Variants in ACSM2B observed in about 807,000 individuals in gnomAD.
The protein encoded by ACSM2B is acyl-CoA synthetase medium chain family member 2B.
A neutral mutation model predicts 78.6 loss-of-function variants in ACSM2B; 58 were observed. That is an observed-to-expected ratio of 0.74 (90% CI 0.60 to 0.92). The LOEUF (loss-of-function observed/expected upper bound fraction) is 0.92, where lower values mean the gene tolerates loss of function less well. Among genes scored for constraint, ACSM2B ranks in the 40% least tolerant of loss-of-function variants. ACSM2B has a pLI of 0.00. For missense variants in ACSM2B, 688 were observed against 711.2 expected (o/e 0.97, Z 0.37); for synonymous variants, 257 against 256.8 (o/e 1.00, Z -0.01).
intron 13 of ACSM2B, among the ~76,000 whole-genome samples, chr16:20,540,319 T>G (rs1435460287): frequency 6.7e-6 from 1 of 149,034 alleles, no homozygotes; most frequent in Admixed American, 6.7e-5. Flanking sequence ...CTCGGCTCAC[T>G]GTAACCTACA....
intron 6 of ACSM2B, 47 bp downstream of exon 6, chr16:20,552,097 C>T (rs892112942): frequency 1.3e-6 from 2 of 1,549,246 alleles, no homozygotes; most frequent in Non-Finnish European, 1.7e-6. Flanking sequence ...AGTGTGCAAA[C>T]CTCGGGCTCA....
chr16:20,554,513 C>A (rs1338093084), intron 4 of ACSM2B, among the ~76,000 whole-genome samples: 1 of 152,192 alleles, frequency 6.6e-6, no homozygotes, highest in African/African-American at 2.4e-5. Flanking sequence ...CTGAAGTTTT[C>A]CCTTCAAGTT....
At chr16:20,549,771 TA>T (rs2015246779) in intron 6 of ACSM2B, 1 of 450,366 alleles carries the variant, frequency 2.2e-6, no homozygotes, top group Admixed American at 2.4e-5. Context: ...ATTTAAAAAA[TA>T]CATTGGTTTG....
At chr16:20,569,483 T>A (rs1167151562) in intron 1 of ACSM2B, among the ~76,000 whole-genome samples, 1 of 152,188 alleles carries the variant, frequency 6.6e-6, no homozygotes, top group African/African-American at 2.4e-5. Flanking sequence ...GGCCTTATAG[T>A]ACATTTTGAA....
intron 1 of ACSM2B, among the ~76,000 whole-genome samples, chr16:20,572,681 T>C (rs546386165): frequency 6.6e-6 from 1 of 151,546 alleles, no homozygotes; most frequent in African/African-American, 2.4e-5. Flanking sequence ...CCCAAACTTT[T>C]AGATGTCTCT....
chr16:20,546,421 T>G lies in ACSM2B; in HGVS notation c.1152A>C (p.Gly384=), dbSNP rs375316507. ...GTACATCATAACAGGAAGCAGCCGT[T>G]CCCATGTATCCTGGTTTGATTTTCA... ...KTMKIKPGYM[G]TAASCYDVQV... is the part of the protein sequence containing the mutation. The change falls in exon 9 of 14, where the codon GGA becomes GGC. Residue 384 remains glycine (G), a synonymous_variant. Transcript: ENST00000329697. 3 of 1,608,928 alleles carry G rather than the reference T, an allele frequency of 1.9e-6. No homozygotes were observed. The highest frequency in any genetic ancestry group is 2.5e-6 in the Non-Finnish European group (3 of 1,176,686).
At chr16:20,554,602 C>T (rs983162888) in intron 4 of ACSM2B, among the ~76,000 whole-genome samples, 40 of 152,342 alleles carry the variant, frequency 2.6e-4, no homozygotes, top group African/African-American at 8.9e-4. Flanking sequence ...GTCTTGCTAT[C>T]GGCTTTTGGA....
intron 4 of ACSM2B, among the ~76,000 whole-genome samples, chr16:20,554,359 T>G (rs2015406366): frequency 6.6e-6 from 1 of 152,214 alleles, no homozygotes; most frequent in Non-Finnish European, 1.5e-5. Flanking sequence ...AAGTACTTTC[T>G]TGGCACTCTC....
intron 1 of ACSM2B, among the ~76,000 whole-genome samples, chr16:20,572,560 G>A (rs1181816683): frequency 6.9e-6 from 1 of 143,912 alleles, no homozygotes; most frequent in Non-Finnish European, 1.5e-5. Context: ...CCTAGGCAAT[G>A]ATCTTTTTGC....
intron 13 of ACSM2B, among the ~76,000 whole-genome samples, chr16:20,539,809 A>C (rs1368066088): frequency 2.6e-5 from 4 of 151,744 alleles, no homozygotes; most frequent in Non-Finnish European, 5.9e-5. Context: ...CTGAGAATAT[A>C]TGTTTGGAGC....
At position 20,559,277 on chromosome 16, in the gene ACSM2B, C is replaced by G. The variant is rs780168424; in HGVS notation, c.348G>C (p.Val116=). Residue 116 remains valine, a synonymous_variant, in exon 3 of 14, where the codon GTG becomes GTC. Coordinates refer to ENST00000329697, the MANE Select transcript of ACSM2B (RefSeq NM_001105069.2). ...GDRVAVMLPR[V]PEWWLVILGC... is the part of the protein sequence containing the mutation. ...CCAGGATCACCAGCCACCACTCAGG[C>G]ACTCGGGGCAGCATCACTGCCACAC... 1 of 1,613,646 alleles carries G rather than the reference C, an allele frequency of 6.2e-7. No individual in the cohort carries two copies. The highest frequency in any genetic ancestry group is 1.1e-5 in the South Asian group (1 of 91,034).
intron 8 of ACSM2B, chr16:20,547,678 T>C: frequency 9.2e-7 from 1 of 1,088,034 alleles, no homozygotes; most frequent in African/African-American, 1.7e-5. Flanking sequence ...CTTGACATGT[T>C]TGATAAACTT....
intron 1 of ACSM2B, among the ~76,000 whole-genome samples, chr16:20,567,268 T>C (rs1433712978): frequency 2.4e-5 from 3 of 126,866 alleles, no homozygotes; most frequent in African/African-American, 9.0e-5. Context: ...ATATATAGTA[T>C]AATATATAAT....
At chr16:20,542,740 A>T in intron 12 of ACSM2B, 174 bp downstream of exon 12, 2 of 768,712 alleles carry the variant, frequency 2.6e-6, no homozygotes, top group Non-Finnish European at 4.2e-6. Context: ...ACAGATGAAG[A>T]AACTGAGAAA....
At chr16:20,566,329 T>G (rs1315693409) in intron 1 of ACSM2B, among the ~76,000 whole-genome samples, 29 of 131,700 alleles carry the variant, frequency 2.2e-4, no homozygotes, top group Admixed American at 1.3e-3. Context: ...CAGCTTGGAA[T>G]GAAGAAAGGC....
chr16:20,564,802 C>A lies in ACSM2B; in HGVS notation c.44G>T (p.Gly15Val), dbSNP rs2015772784. The change falls in exon 2 of 14, where the codon GGT (glycine) becomes GTT (valine). Residue 15 changes from glycine (G) to valine (V), a missense_variant. Coordinates refer to ENST00000329697, the MANE Select transcript of ACSM2B (RefSeq NM_001105069.2). ...GAGAGTGCGGCTGGACATCTGAGTA[C>A]CCCACAGGGTGCAAAGTCCCTGAAC... ...RKVQGLCTLWGTQMSSRTLYI... is the reference protein window; with the variant it reads ...RKVQGLCTLWVTQMSSRTLYI... 1 of 1,612,552 alleles carries A rather than the reference C, an allele frequency of 6.2e-7. No individual in the cohort carries two copies. Among genetic ancestry groups the A allele is most frequent in the Non-Finnish European group, 8.5e-7 (1 of 1,179,180 alleles).
chr16:20,549,653 A>G (rs771087873), intron 6 of ACSM2B: 18 of 347,524 alleles, frequency 5.2e-5, no homozygotes, highest in Non-Finnish European at 9.4e-5. Flanking sequence ...ATGAGTAACC[A>G]TGGCCATGAC....
At chr16:20,565,641 C>T (rs1285459887) in intron 1 of ACSM2B, among the ~76,000 whole-genome samples, 1 of 152,140 alleles carries the variant, frequency 6.6e-6, no homozygotes, top group Non-Finnish European at 1.5e-5. Context: ...CAGGACCTAA[C>T]ACAATCACTT....
In ACSM2B at chr16:20,542,892, C is replaced by T. The variant is rs753554554; in HGVS notation, c.1509+22G>A. On this transcript the variant is annotated intron_variant, in intron 12 of 13. Coordinates refer to ENST00000329697, the MANE Select transcript of ACSM2B (RefSeq NM_001105069.2). ...CCTTGTGTTCATATCTGTTCACCCC[C>T]AGGCTACTGCTTCCCCATCACCTCT... 19 of 1,613,066 alleles carry T rather than the reference C, an allele frequency of 1.2e-5. No individual in the cohort carries two copies. The South Asian group carries it at 2.0e-4, about 17-fold the overall frequency.
Sources: gnomAD v4.1 joint callset for allele counts (sites outside exome capture counted in the v4.1 genomes callset) on GRCh38, gnomAD v4.1.1 for gene constraint, MANE v1.5 for transcripts, NCBI Gene and HGNC (gene_info 2026-07-23, HGNC 2026-07-21) for gene names.